ZNF433: variants seen among roughly 807,000 people sequenced by gnomAD.
ZNF433 encodes the protein zinc finger protein 433.
In ZNF433, 12 loss-of-function variants were observed where a neutral mutation model predicts 10.6. The observed-to-expected ratio is 1.13, with a 90% CI of 0.72 to 1.83. ZNF433 has a LOEUF of 1.83. Among genes scored for constraint, ZNF433 ranks in the 40% most tolerant of loss-of-function variants. The pLI, the probability that ZNF433 is intolerant of heterozygous loss-of-function variation, is 0.00. For missense variants in ZNF433, 737 were observed against 798.0 expected (o/e 0.92, Z 0.92); for synonymous variants, 272 against 271.3 (o/e 1.00, Z -0.02).
intron 1 of ZNF433, among the ~76,000 whole-genome samples, chr19:12,031,792 A>G (rs1463337227): frequency 6.6e-6 from 1 of 151,808 alleles, no homozygotes; most frequent in Non-Finnish European, 1.5e-5. Flanking sequence ...CGGGAGGCTC[A>G]CGATGATTGC....
chr19:12,017,940 C>T lies in ZNF433; in HGVS notation c.131-4G>A. On this transcript the variant is annotated splice_polypyrimidine_tract_variant and splice_region_variant and intron_variant, in intron 2 of 3. Coordinates refer to ENST00000550507, the MANE Select transcript of ZNF433 (RefSeq NM_001308348.2). Reference sequence around the variant, plus strand: ...TTCTGGGGTTTCCATTTTTTCCCTACAACACACAACAAGGAAAATAATCTT... The same window carrying T: ...TTCTGGGGTTTCCATTTTTTCCCTATAACACACAACAAGGAAAATAATCTT... 1 of 1,566,732 alleles carries T rather than the reference C, an allele frequency of 6.4e-7. No homozygotes were observed. Among genetic ancestry groups the T allele is most frequent in the Non-Finnish European group, 8.6e-7 (1 of 1,160,358 alleles).
rs775537208 is a variant in ZNF433 at position 12,014,831 on chromosome 19, C to T, written c.*14G>A. On this transcript the variant is annotated 3_prime_UTR_variant, in exon 4 of 4. Transcript: ENST00000550507. ...TTAAGCAGTCCCCCCACCTCAGCCT[C>T]CTAAAGCCTGGGGTTATGGGGTGTC... 1 of 1,525,850 alleles carries T rather than the reference C, an allele frequency of 6.6e-7. No homozygotes were observed. The highest frequency in any genetic ancestry group is 8.8e-7 in the Non-Finnish European group (1 of 1,134,908). 94.5% of individuals were successfully genotyped at this position (1,525,850 alleles called of 1,614,324 possible).
In ZNF433 at chr19:12,015,184, A is replaced by G. The variant is rs879034576; in HGVS notation, c.1674T>C (p.Pro558=). ...IHGRTHTGEK[P]YECKQCGKAF... The stretch of plus-strand genomic sequence containing the variant: ...CTTTCCCACACTGCTTACATTCATA[A>G]GGTTTCTCTCCAGTGTGAGTCCTTC... Residue 558 remains proline (P), a synonymous_variant, in exon 4 of 4, where the codon CCT becomes CCC. Coordinates refer to ENST00000550507, the MANE Select transcript of ZNF433 (RefSeq NM_001308348.2). 6 of 1,594,660 alleles carry G rather than the reference A, an allele frequency of 3.8e-6. No individual in the cohort carries two copies. The highest frequency in any genetic ancestry group is 2.3e-5 in the East Asian group (1 of 44,072).
intron 1 of ZNF433, chr19:12,025,323 C>A (rs1974683023): frequency 6.6e-6 from 1 of 152,206 alleles, no homozygotes; most frequent in South Asian, 2.1e-4. Flanking sequence ...TACCCAATTG[C>A]AAACAGCAGT....
At chr19:12,022,403 G>C (rs1974541359) in intron 1 of ZNF433, among the ~76,000 whole-genome samples, 1 of 152,152 alleles carries the variant, frequency 6.6e-6, no homozygotes, top group Non-Finnish European at 1.5e-5. Context: ...AGCTCTGAAG[G>C]CTGTCAGCCC....
intron 1 of ZNF433, among the ~76,000 whole-genome samples, chr19:12,031,294 C>CAAA (rs536658747): frequency 4.7e-4 from 17 of 36,482 alleles, no homozygotes; most frequent in African/African-American, 1.5e-3. Flanking sequence ...GACTCCATCT[C>CAAA]AAAAAAAAAA....
At position 12,035,676 on chromosome 19, in the gene ZNF433, C is replaced by A. The variant is rs191492552; in HGVS notation, c.-137G>T. On this transcript the variant is annotated 5_prime_UTR_variant, in exon 1 of 4. Coordinates refer to ENST00000550507, the MANE Select transcript of ZNF433 (RefSeq NM_001308348.2). ...CAGCTCGCCGCCTGGAGCCGGGAAC[C>A]GAGGAGAGCAGGGCCTTCGCCCTCC... is the stretch of plus-strand genomic sequence containing the variant. 6.3e-6 allele frequency: 8 copies of A among 1,262,100 alleles called. No individual in the cohort carries two copies. In the Admixed American group the frequency reaches 1.7e-4, roughly 26 times the overall value. The allele number at this position is 1,262,100 out of a possible 1,614,324, so 78.2% of individuals were successfully genotyped here.
intron 1 of ZNF433, chr19:12,034,940 G>A (rs1286967436): frequency 2.0e-5 from 9 of 454,194 alleles, no homozygotes; most frequent in Non-Finnish European, 3.5e-5. Flanking sequence ...CTGGGGTTGT[G>A]TTTTCCTCAG....
At chr19:12,020,623 C>A (rs1191705298) in intron 1 of ZNF433, among the ~76,000 whole-genome samples, 2 of 151,874 alleles carry the variant, frequency 1.3e-5, no homozygotes, top group Non-Finnish European at 2.9e-5. Context: ...ATTGTCATTC[C>A]TAAGAAGAGC....
At chr19:12,020,736 G>C (rs192362554) in intron 1 of ZNF433, among the ~76,000 whole-genome samples, 99 of 152,024 alleles carry the variant, frequency 6.5e-4, no homozygotes, top group Admixed American at 1.1e-3. Context: ...GATTAACATG[G>C]TGAAACCCTG....
At position 12,015,417 on chromosome 19, in the gene ZNF433, C is replaced by A. The variant is rs746838348; in HGVS notation, c.1441G>T (p.Gly481Trp). ...AAACTGGGCAAACTGAATGTTTTCC[C>A]ATAACCCTTACATTCATACGGCTTC... ...EEKPYECKGYGKTFSLPSLFH... is the reference protein window; with the variant it reads ...EEKPYECKGYWKTFSLPSLFH... The change falls in exon 4 of 4, where the codon GGG (glycine) becomes TGG (tryptophan). Residue 481 changes from glycine (G) to tryptophan (W), a missense_variant. Coordinates refer to ENST00000550507, the MANE Select transcript of ZNF433 (RefSeq NM_001308348.2). 26 of 1,614,106 alleles carry A rather than the reference C, an allele frequency of 1.6e-5. No homozygotes were observed. In the East Asian group the frequency reaches 4.7e-4, roughly 29 times the overall value.
chr19:12,022,922 T>C (rs1166142222), intron 1 of ZNF433, among the ~76,000 whole-genome samples: 2 of 152,208 alleles, frequency 1.3e-5, no homozygotes, highest in Admixed American at 1.3e-4. Context: ...GAGCAGCACC[T>C]TGAGCAATGG....
Position 12,015,940 on chromosome 19 carries a change from T to C in ZNF433, c.918A>G (p.Pro306=), listed in dbSNP as rs764776051. The C allele has an allele frequency of 6.2e-7, 1 of 1,613,220 alleles. No homozygotes were observed. Among genetic ancestry groups the C allele is most frequent in the Non-Finnish European group, 8.5e-7 (1 of 1,179,774 alleles). ...IHERTHTGEK[P]YECKECGKAF... is the part of the protein sequence containing the mutation. ...CTTTTCCACATTCCTTACATTCATA[T>C]GGCTTCTCCCCCGTGTGAGTTCTTT... The change falls in exon 4 of 4, where the codon CCA becomes CCG. Residue 306 remains proline, a synonymous_variant. Coordinates refer to ENST00000550507, the MANE Select transcript of ZNF433 (RefSeq NM_001308348.2).
intron 1 of ZNF433, among the ~76,000 whole-genome samples, chr19:12,021,622 T>A (rs148572275): frequency 4.7e-4 from 72 of 152,362 alleles, no homozygotes; most frequent in African/African-American, 1.7e-3. Context: ...ATAGTTCTCA[T>A]GACACATATT....
Position 12,014,815 on chromosome 19 carries a change from C to T in ZNF433, c.*30G>A. On this transcript the variant is annotated 3_prime_UTR_variant, in exon 4 of 4. Transcript: ENST00000550507. The stretch of plus-strand genomic sequence containing the variant: ...TCTTGAACTCCTGGGCTTAAGCAGT[C>T]CCCCCACCTCAGCCTCCTAAAGCCT... 6.7e-7 allele frequency: 1 copy of T among 1,488,016 alleles called. No individual in the cohort carries two copies. The highest frequency in any genetic ancestry group is 1.4e-5 in the South Asian group (1 of 73,646). The allele number at this position is 1,488,016 out of a possible 1,614,324, so 92.2% of individuals were successfully genotyped here.
intron 1 of ZNF433, among the ~76,000 whole-genome samples, chr19:12,032,164 TC>T (rs1975067882): frequency 6.6e-6 from 1 of 152,062 alleles, no homozygotes; most frequent in Non-Finnish European, 1.5e-5. Context: ...GGTCTCGATC[TC>T]CTGACTTGGT....
At chr19:12,030,189 G>C (rs796521110) in intron 1 of ZNF433, 13 of 447,030 alleles carry the variant, frequency 2.9e-5, no homozygotes, top group African/African-American at 2.4e-4. Flanking sequence ...TAACTTCCAG[G>C]CTTCCAGAAC....
intron 1 of ZNF433, among the ~76,000 whole-genome samples, chr19:12,020,186 C>T (rs1974415136): frequency 6.6e-6 from 1 of 152,046 alleles, no homozygotes; most frequent in South Asian, 2.1e-4. Context: ...GCAGGAGAAT[C>T]ACTTGAATCT....
At chr19:12,024,977 C>G (rs1974667797) in intron 1 of ZNF433, 3 of 152,228 alleles carry the variant, frequency 2.0e-5, no homozygotes, top group African/African-American at 7.2e-5. Flanking sequence ...TCTCGATAAT[C>G]ATTTTCCTAA....
Sources: gnomAD v4.1 joint callset for allele counts (sites outside exome capture counted in the v4.1 genomes callset) on GRCh38, gnomAD v4.1.1 for gene constraint, MANE v1.5 for transcripts, NCBI Gene and HGNC (gene_info 2026-07-23, HGNC 2026-07-21) for gene names.